Variants in NAALADL2 observed in about 807,000 individuals in gnomAD.
The protein encoded by NAALADL2 is inactive N-acetylated-alpha-linked acidic dipeptidase-like protein 2.
In NAALADL2, 76 loss-of-function variants were observed where a neutral mutation model predicts 87.2. The ratio of observed to expected loss-of-function variants is 0.87; its 90% CI spans 0.72 to 1.05. The LOEUF is 1.05. Among genes scored for constraint, NAALADL2 ranks in the 50% least tolerant of loss-of-function variants. The pLI is 0.00. For missense variants in NAALADL2, 1,089 were observed against 945.8 expected, an observed-to-expected ratio of 1.15 and a Z score of -1.99; for synonymous variants, 354 against 331.0, an observed-to-expected ratio of 1.07 and a Z score of -0.75.
chr3:175,578,445 A>G (rs1177736493), intron 10 of NAALADL2, among the ~76,000 whole-genome samples: 1 of 152,102 alleles, frequency 6.6e-6, no homozygotes, highest in Non-Finnish European at 1.5e-5. Context: ...AACAACAACA[A>G]CAACAAAAGA....
chr3:175,793,394 C>T (rs1385267597), intron 13 of NAALADL2, among the ~76,000 whole-genome samples: 1 of 150,190 alleles, frequency 6.7e-6, no homozygotes, highest in African/African-American at 2.5e-5. Context: ...ACTGCAAGCT[C>T]GGCCACCCGT....
chr3:175,369,298 G>A (rs1368044538), intron 5 of NAALADL2, among the ~76,000 whole-genome samples: 2 of 151,790 alleles, frequency 1.3e-5, no homozygotes, highest in South Asian at 2.1e-4. Flanking sequence ...ATATGTGCAT[G>A]TGTAATTATA....
chr3:174,827,258 A>G (rs1169158651), intron 3 of NAALADL2, among the ~76,000 whole-genome samples: 1 of 152,216 alleles, frequency 6.6e-6, no homozygotes, highest in Non-Finnish European at 1.5e-5. Context: ...AATTACCACA[A>G]ACATGGTGGC....
chr3:175,438,942 A>G (rs1326259968), intron 5 of NAALADL2, among the ~76,000 whole-genome samples: 2 of 151,972 alleles, frequency 1.3e-5, no homozygotes, highest in Non-Finnish European at 2.9e-5. Context: ...AGATTTTGGT[A>G]TACCCATCAC....
chr3:175,791,402 G>C (rs1752758827), intron 13 of NAALADL2, among the ~76,000 whole-genome samples: 2 of 152,118 alleles, frequency 1.3e-5, no homozygotes, highest in Admixed American at 1.3e-4. Context: ...ATTTGTATTT[G>C]AGCTAGGGTA....
At chr3:175,067,445 C>T (rs1256842086) in intron 1 of NAALADL2, among the ~76,000 whole-genome samples, 1 of 152,058 alleles carries the variant, frequency 6.6e-6, no homozygotes, top group African/African-American at 2.4e-5. Flanking sequence ...GACACAGACA[C>T]TTCTCAAAAC....
At chr3:175,766,349 C>T (rs1439030316) in intron 13 of NAALADL2, among the ~76,000 whole-genome samples, 3 of 152,020 alleles carry the variant, frequency 2.0e-5, no homozygotes, top group African/African-American at 4.8e-5. Flanking sequence ...GCTCAGTAGA[C>T]GGGGATCTTA....
intron 1 of NAALADL2, among the ~76,000 whole-genome samples, chr3:174,886,226 A>G (rs569507522): frequency 9.0e-4 from 137 of 152,042 alleles, no homozygotes; most frequent in African/African-American, 3.1e-3. Context: ...CGGAGTTCTA[A>G]AACTGAAGAA....
Position 174,959,196 on chromosome 3 carries a change from C to T in NAALADL2, c.43+99746C>T, listed in dbSNP as rs115918335. 3.5e-3 allele frequency among the ~76,000 whole-genome samples: 527 copies of T among 152,090 alleles called. 2 individuals are homozygous for T. The highest frequency in any genetic ancestry group is 0.012 in the African/African-American group (490 of 41,508). On this transcript the variant is annotated intron_variant, in intron 1 of 13. Transcript: ENST00000454872. ...CCAGGCCAATTTTCAACTGCTTTTGCGGTAGCATATGTTTGTTTGGCACTC... is the reference window on the plus strand; with the variant it reads ...CCAGGCCAATTTTCAACTGCTTTTGTGGTAGCATATGTTTGTTTGGCACTC...
intron 1 of NAALADL2, among the ~76,000 whole-genome samples, chr3:174,486,197 AG>A (rs1174443794): frequency 2.0e-5 from 3 of 152,084 alleles, no homozygotes; most frequent in African/African-American, 7.2e-5. Flanking sequence ...CAGGTCAGTT[AG>A]GCTCTGATAA....
At chr3:175,610,155 T>C (rs917643673) in intron 10 of NAALADL2, among the ~76,000 whole-genome samples, 2 of 152,186 alleles carry the variant, frequency 1.3e-5, no homozygotes, top group African/African-American at 2.4e-5. Context: ...TAAACATATA[T>C]GATCTCATTT....
At chr3:174,955,364 C>T (rs1050971825) in intron 1 of NAALADL2, among the ~76,000 whole-genome samples, 1 of 152,058 alleles carries the variant, frequency 6.6e-6, no homozygotes, top group Non-Finnish European at 1.5e-5. Flanking sequence ...TTCTGGGGTT[C>T]CTCAGGGCAT....
intron 4 of NAALADL2, among the ~76,000 whole-genome samples, chr3:175,284,441 G>A (rs1754732854): frequency 6.6e-6 from 1 of 151,486 alleles, no homozygotes; most frequent in South Asian, 2.1e-4. Context: ...AGGAAAATAA[G>A]TCTCATATTT....
At chr3:175,410,182 T>C (rs897190941) in intron 5 of NAALADL2, among the ~76,000 whole-genome samples, 2 of 152,192 alleles carry the variant, frequency 1.3e-5, no homozygotes, top group African/African-American at 4.8e-5. Flanking sequence ...GTGGACATAG[T>C]TAAAGACAGT....
intron 2 of NAALADL2, among the ~76,000 whole-genome samples, chr3:175,227,138 G>A (rs376038468): frequency 1.3e-5 from 2 of 151,890 alleles, no homozygotes; most frequent in Non-Finnish European, 2.9e-5. Context: ...CTAGTTCATC[G>A]TTCTTTAGAT....
rs573478935 is a variant in NAALADL2, at chr3:175,352,913, C to T, written c.1090+28588C>T. On this transcript the variant is annotated intron_variant, in intron 5 of 13. Transcript: ENST00000454872. ...CTCTCACAGGTAACTGAGTGTTAAACCTGCCACTTATACCTAGCCTGCCTG... is the reference window on the plus strand; with the variant it reads ...CTCTCACAGGTAACTGAGTGTTAAATCTGCCACTTATACCTAGCCTGCCTG... Among the ~76,000 whole-genome samples, 182 of 151,982 alleles carry T rather than the reference C, an allele frequency of 1.2e-3. 1 individual carries two copies. Among genetic ancestry groups the T allele is most frequent in the African/African-American group, 4.1e-3 (171 of 41,482 alleles).
At chr3:175,003,951 G>A (rs1426621281) in intron 1 of NAALADL2, among the ~76,000 whole-genome samples, 1 of 152,146 alleles carries the variant, frequency 6.6e-6, no homozygotes, top group Non-Finnish European at 1.5e-5. Context: ...ATGACTGGAG[G>A]AAACATTTTA....
intron 10 of NAALADL2, chr3:175,609,543 A>G (rs1243546222): frequency 6.6e-6 from 1 of 152,132 alleles, no homozygotes; most frequent in Non-Finnish European, 1.5e-5. Context: ...TTGCTAATTG[A>G]AAACTAAATC....
At chr3:175,444,444 A>AGCAGC (rs1720344814) in intron 5 of NAALADL2, among the ~76,000 whole-genome samples, 1 of 152,118 alleles carries the variant, frequency 6.6e-6, no homozygotes, top group African/African-American at 2.4e-5. Flanking sequence ...TTTGGCTGAG[A>AGCAGC]GCAGCCTCCT....
Sources: allele counts gnomAD v4.1 joint callset (sites outside exome capture counted in the v4.1 genomes callset), GRCh38; gene constraint gnomAD v4.1.1; transcripts MANE v1.5; gene names NCBI Gene and HGNC (gene_info 2026-07-23, HGNC 2026-07-21).